The following LARP1 variants were observed in gnomAD, a reference collection of about 807,000 sequenced individuals.
LARP1 encodes La ribonucleoprotein 1, translational regulator, also known as la-related protein 1.
Under a neutral mutation model 122.7 loss-of-function variants are expected in LARP1, and 36 were observed. The ratio of observed to expected loss-of-function variants is 0.29; its 90% CI spans 0.22 to 0.39. The LOEUF is 0.39. LARP1 is among the 10% of genes least tolerant of loss of function. LARP1 has a pLI of 1.00. For synonymous variants in LARP1, 539 were observed against 528.7 expected (o/e 1.02, Z -0.27); for missense variants, 1,040 against 1,403.6 (o/e 0.74, Z 4.14).
At chr5:154,795,903 TTATA>T (rs1458630727) in intron 8 of LARP1, among the ~76,000 whole-genome samples, 1 of 125,796 alleles carries the variant, frequency 7.9e-6, no homozygotes, top group African/African-American at 3.0e-5. Flanking sequence ...TATTTATATA[TTATA>T]TATTTATTAT....
At chr5:154,770,309 CG>C (rs1269609557) in intron 1 of LARP1, among the ~76,000 whole-genome samples, 2 of 151,046 alleles carry the variant, frequency 1.3e-5, no homozygotes, top group Admixed American at 6.6e-5. Context: ...ATTGCTATTT[CG>C]TATTTCCTCC....
At chr5:154,813,566 G>A (rs1759454607) in intron 18 of LARP1, among the ~76,000 whole-genome samples, 2 of 152,176 alleles carry the variant, frequency 1.3e-5, no homozygotes, top group Admixed American at 6.5e-5. Flanking sequence ...GGGGCAGGTA[G>A]ACCTAAATTT....
At chr5:154,750,524 G>A (rs538466692), upstream of LARP1, among the ~76,000 whole-genome samples, 9 of 152,204 alleles carry the variant, frequency 5.9e-5, no homozygotes, top group East Asian at 1.9e-4. Context: ...CACATGCCTC[G>A]GCCTCCCAAA....
At chr5:154,710,243 T>A (rs1316759604), upstream of LARP1, among the ~76,000 whole-genome samples, 1 of 152,208 alleles carries the variant, frequency 6.6e-6, no homozygotes, top group Non-Finnish European at 1.5e-5. Flanking sequence ...GGTCATTGTT[T>A]CTAGACCTGA....
intron 14 of LARP1, 144 bp downstream of exon 14, chr5:154,804,451 A>G: frequency 1.5e-6 from 1 of 661,546 alleles, no homozygotes; most frequent in Non-Finnish European, 2.6e-6. Flanking sequence ...TGGTGTGGAA[A>G]GCTCAGCCCA....
At chr5:154,774,001 T>C (rs1755654754) in intron 1 of LARP1, among the ~76,000 whole-genome samples, 1 of 152,004 alleles carries the variant, frequency 6.6e-6, no homozygotes, top group South Asian at 2.1e-4. Flanking sequence ...TAGGCCACTT[T>C]GTGACAAGAA....
At chr5:154,751,550 T>C (rs1018993881), upstream of LARP1, among the ~76,000 whole-genome samples, 3 of 152,216 alleles carry the variant, frequency 2.0e-5, no homozygotes, top group Non-Finnish European at 4.4e-5. Context: ...TATTTGGTCA[T>C]TACTAAATGG....
chr5:154,775,486 C>A (rs959603836), intron 1 of LARP1, among the ~76,000 whole-genome samples: 4 of 148,662 alleles, frequency 2.7e-5, no homozygotes, highest in African/African-American at 1.0e-4. Flanking sequence ...AAAGTGAGAC[C>A]CTCCCTCAAA....
At chr5:154,787,235 G>C (rs1756964354) in intron 1 of LARP1, among the ~76,000 whole-genome samples, 2 of 152,320 alleles carry the variant, frequency 1.3e-5, no homozygotes, top group African/African-American at 4.8e-5. Context: ...TGGGTCAGTG[G>C]CAGCAGGCAT....
chr5:154,792,362 G>C (rs142240398), intron 3 of LARP1, among the ~76,000 whole-genome samples: 1 of 152,332 alleles, frequency 6.6e-6, no homozygotes, highest in Non-Finnish European at 1.5e-5. Context: ...GTGAGCCTCA[G>C]CACCGCTGTC....
At chr5:154,780,550 T>A (rs1756340716) in intron 1 of LARP1, among the ~76,000 whole-genome samples, 1 of 152,212 alleles carries the variant, frequency 6.6e-6, no homozygotes, top group East Asian at 1.9e-4. Flanking sequence ...AAGAACTTGA[T>A]GTTCCAGTGC....
intron 1 of LARP1, among the ~76,000 whole-genome samples, chr5:154,748,645 G>T (rs1014176702): frequency 9.2e-5 from 14 of 152,170 alleles, no homozygotes; most frequent in Admixed American, 3.9e-4. Context: ...TAATGAAAGG[G>T]AATATTACTT....
At chr5:154,768,715 G>A (rs980405455) in intron 1 of LARP1, among the ~76,000 whole-genome samples, 2 of 152,134 alleles carry the variant, frequency 1.3e-5, no homozygotes, top group Non-Finnish European at 2.9e-5. Flanking sequence ...CTGAGTAGCT[G>A]GGACTACAGG....
intron 16 of LARP1, 115 bp downstream of exon 16, chr5:154,808,718 T>C (rs1213475854): frequency 1.1e-5 from 12 of 1,061,988 alleles, no homozygotes; most frequent in East Asian, 5.4e-5. Context: ...TGTTCATTCA[T>C]ATACTTGATG....
upstream of LARP1, among the ~76,000 whole-genome samples, chr5:154,754,490 A>T (rs1427549166): frequency 6.6e-6 from 1 of 152,216 alleles, no homozygotes; most frequent in African/African-American, 2.4e-5. Flanking sequence ...CAATCCAGGG[A>T]CGGTTCAACT....
chr5:154,791,773 C>T (rs1279492595), intron 3 of LARP1, among the ~76,000 whole-genome samples: 2 of 152,158 alleles, frequency 1.3e-5, no homozygotes. Flanking sequence ...GTTTCACATC[C>T]TGCTAATACT....
At position 154,767,440 on chromosome 5, in the gene LARP1, C is replaced by A. The variant is rs565530283; in HGVS notation, c.436+11247C>A. 5.1e-4 allele frequency among the ~76,000 whole-genome samples: 77 copies of A among 152,194 alleles called. 1 individual carries two copies. Among genetic ancestry groups the A allele is most frequent in the African/African-American group, 1.7e-3 (69 of 41,524 alleles). ...TTCCCCTTGATTGCTGCAGTTTGGT[C>A]CTGAGTATACACAGGAAGGTAGCCT... On this transcript the variant is annotated intron_variant, in intron 1 of 18. Transcript: ENST00000518297.
At position 154,789,470 on chromosome 5, in the gene LARP1, C is replaced by G. The variant is rs1344321301; in HGVS notation, c.437-855C>G. On this transcript the variant is annotated intron_variant, in intron 1 of 18. Transcript: ENST00000518297. Reference sequence around the variant, plus strand: ...TCCTGACCTCGGGTGATCCACCTGCCTTGGCCCCCCAAAGTGCTGGGATTA... The same window carrying G: ...TCCTGACCTCGGGTGATCCACCTGCGTTGGCCCCCCAAAGTGCTGGGATTA... 2.0e-5 allele frequency among the ~76,000 whole-genome samples: 3 copies of G among 152,058 alleles called. No homozygotes were observed. The East Asian group carries it at 5.9e-4, about 30-fold the overall frequency.
At chr5:154,804,477 G>A (rs80077195) in intron 14 of LARP1, among the ~76,000 whole-genome samples, 170 bp downstream of exon 14, 3 of 152,134 alleles carry the variant, frequency 2.0e-5, no homozygotes, top group South Asian at 2.1e-4. Context: ...TGGGAATGAC[G>A]GGTAGGCTTT....
Sources: allele counts gnomAD v4.1 joint callset (sites outside exome capture counted in the v4.1 genomes callset), GRCh38; gene constraint gnomAD v4.1.1; transcripts MANE v1.5; gene names NCBI Gene and HGNC (gene_info 2026-07-23, HGNC 2026-07-21).